Variants in ATRNL1 observed in about 807,000 individuals in gnomAD.
The protein encoded by ATRNL1 is attractin-like protein 1.
Under a neutral mutation model 182.7 loss-of-function variants are expected in ATRNL1, and 95 were observed. That is an observed-to-expected ratio of 0.52 (90% confidence interval 0.44 to 0.62). The LOEUF is 0.62. Among genes scored for constraint, ATRNL1 ranks in the 20% least tolerant of loss-of-function variants. The pLI is 0.00. For synonymous variants in ATRNL1, 576 were observed against 568.3 expected (o/e 1.01, Z -0.19); for missense variants, 1,471 against 1,679.5 (o/e 0.88, Z 2.17).
At chr10:115,242,545 C>T (rs748870299) in intron 10 of ATRNL1, among the ~76,000 whole-genome samples, 8 of 151,562 alleles carry the variant, frequency 5.3e-5, no homozygotes, top group Non-Finnish European at 8.9e-5. Flanking sequence ...CAATTTGAAG[C>T]GATTAGGAAA....
At chr10:115,792,131 A>G (rs373173985) in intron 27 of ATRNL1, among the ~76,000 whole-genome samples, 1 of 152,140 alleles carries the variant, frequency 6.6e-6, no homozygotes. Context: ...ATCATTTCAT[A>G]TACAATCAAA....
chr10:115,598,258 T>G (rs1856379642), intron 26 of ATRNL1, among the ~76,000 whole-genome samples: 1 of 151,240 alleles, frequency 6.6e-6, no homozygotes, highest in South Asian at 2.1e-4. Flanking sequence ...TATTTACTAC[T>G]TTAGAAATAT....
At chr10:115,547,260 A>AT (rs199969760) in intron 25 of ATRNL1, among the ~76,000 whole-genome samples, 4,150 of 144,530 alleles carry the variant, frequency 0.029, 76 homozygotes, top group Non-Finnish European at 0.041. Flanking sequence ...ATCTCAAAAA[A>AT]AAAATATATA....
intron 26 of ATRNL1, among the ~76,000 whole-genome samples, chr10:115,580,774 A>AT (rs372155109): frequency 6.7e-6 from 1 of 148,760 alleles, no homozygotes; most frequent in Non-Finnish European, 1.5e-5. Flanking sequence ...CTTTTTCATT[A>AT]TTTTTTCTAC....
intron 5 of ATRNL1, among the ~76,000 whole-genome samples, chr10:115,137,087 G>C (rs1845547503): frequency 6.6e-6 from 1 of 152,102 alleles, no homozygotes; most frequent in African/African-American, 2.4e-5. Context: ...TAAAAAATCT[G>C]AGGAGGCTGA....
intron 26 of ATRNL1, among the ~76,000 whole-genome samples, chr10:115,554,379 A>C (rs1853188698): frequency 6.6e-6 from 1 of 151,668 alleles, no homozygotes; most frequent in Non-Finnish European, 1.5e-5. Context: ...CTTTAAAATA[A>C]CTTGAGAAGT....
chr10:115,902,739 A>G (rs1952393404), intron 28 of ATRNL1, among the ~76,000 whole-genome samples: 1 of 152,204 alleles, frequency 6.6e-6, no homozygotes, highest in African/African-American at 2.4e-5. Context: ...TCAGAAATCA[A>G]TTGGATGTGA....
In ATRNL1 at chr10:115,381,305, C is replaced by T. The variant is rs149291151; in HGVS notation, c.3176-13354C>T. On this transcript the variant is annotated intron_variant, in intron 19 of 28. Coordinates refer to ENST00000355044, the MANE Select transcript of ATRNL1 (RefSeq NM_207303.4). ...TTTTTGAGACAGAGTCTCACTCTGT[C>T]GCCCAGGCTGGAGTGCAGTGGCACA... Among the ~76,000 whole-genome samples, 15 of 151,918 alleles carry T rather than the reference C, an allele frequency of 9.9e-5. No individual in the cohort carries two copies. The East Asian group carries it at 2.5e-3, about 25-fold the overall frequency.
At chr10:115,751,694 T>A (rs1593168270) in intron 27 of ATRNL1, among the ~76,000 whole-genome samples, 2 of 152,202 alleles carry the variant, frequency 1.3e-5, no homozygotes, top group Non-Finnish European at 1.5e-5. Context: ...TACTATGCAG[T>A]TGTAAAAAAA....
intron 27 of ATRNL1, among the ~76,000 whole-genome samples, chr10:115,779,097 C>T (rs1949200382): frequency 6.6e-6 from 1 of 152,076 alleles, no homozygotes; most frequent in Admixed American, 6.6e-5. Context: ...CAGATTGCTC[C>T]CAATGTCCCC....
intron 26 of ATRNL1, among the ~76,000 whole-genome samples, chr10:115,682,200 G>A (rs782666401): frequency 3.4e-5 from 5 of 148,932 alleles, no homozygotes; most frequent in Non-Finnish European, 7.5e-5. Context: ...TAGGCAAATT[G>A]CCTTAGGATC....
intron 17 of ATRNL1, among the ~76,000 whole-genome samples, chr10:115,304,086 G>T (rs1853612624): frequency 6.6e-6 from 1 of 152,068 alleles, no homozygotes. Flanking sequence ...CAGTCCACTG[G>T]TTTCCCTCTG....
At chr10:115,908,252 A>T (rs575922497) in intron 28 of ATRNL1, among the ~76,000 whole-genome samples, 1 of 152,216 alleles carries the variant, frequency 6.6e-6, no homozygotes, top group Non-Finnish European at 1.5e-5. Flanking sequence ...AGCTTTAAAC[A>T]TAACACAAAT....
intron 28 of ATRNL1, among the ~76,000 whole-genome samples, chr10:115,860,858 A>G (rs1485589814): frequency 5.3e-5 from 8 of 152,150 alleles, no homozygotes; most frequent in Non-Finnish European, 8.8e-5. Flanking sequence ...TATGCTCCCT[A>G]TAATAATCCA....
intron 10 of ATRNL1, among the ~76,000 whole-genome samples, chr10:115,255,985 G>A (rs1229573578): frequency 6.6e-6 from 1 of 152,226 alleles, no homozygotes; most frequent in African/African-American, 2.4e-5. Flanking sequence ...CAGGGATAAA[G>A]CTGACTTGAT....
intron 28 of ATRNL1, among the ~76,000 whole-genome samples, chr10:115,908,107 A>G (rs901952367): frequency 2.0e-5 from 3 of 152,204 alleles, no homozygotes; most frequent in African/African-American, 7.2e-5. Flanking sequence ...CAGAAAATGT[A>G]GATTCCGTGA....
At chr10:115,183,356 T>A (rs1006123377) in intron 8 of ATRNL1, among the ~76,000 whole-genome samples, 1 of 151,318 alleles carries the variant, frequency 6.6e-6, no homozygotes, top group Non-Finnish European at 1.5e-5. Context: ...GCATAACTTT[T>A]TATATAACTA....
intron 19 of ATRNL1, among the ~76,000 whole-genome samples, chr10:115,355,932 G>T (rs1244081599): frequency 6.6e-6 from 1 of 151,196 alleles, no homozygotes; most frequent in African/African-American, 2.4e-5. Context: ...TTCAGTTTTG[G>T]GGAAAAAAGA....
chr10:115,815,404 G>GGTGTGTGTGT (rs1213640346), intron 27 of ATRNL1, among the ~76,000 whole-genome samples: 11 of 97,948 alleles, frequency 1.1e-4, no homozygotes, highest in South Asian at 8.3e-4. Flanking sequence ...ACTGGTATGT[G>GGTGTGTGTGT]GTGTGTGTGT....
Sources: gnomAD v4.1 joint callset for allele counts (sites outside exome capture counted in the v4.1 genomes callset) on GRCh38, gnomAD v4.1.1 for gene constraint, MANE v1.5 for transcripts, NCBI Gene and HGNC (gene_info 2026-07-23, HGNC 2026-07-21) for gene names.